ZNF615: variants seen among roughly 807,000 people sequenced by gnomAD.
ZNF615 encodes zinc finger protein 615.
ZNF615 carries 15 observed loss-of-function variants against 15.3 expected under a neutral mutation model. That is an observed-to-expected ratio of 0.98 (90% CI 0.66 to 1.51). The LOEUF (loss-of-function observed/expected upper bound fraction) is 1.51. Ranked by LOEUF, ZNF615 falls within the 40% of genes most tolerant of loss-of-function variation. The probability of loss-of-function intolerance (pLI) is 0.00; values close to 1 mark genes in which losing one functional copy is unlikely to be tolerated. For missense variants in ZNF615, 848 were observed against 895.9 expected (o/e 0.95, Z 0.68); for synonymous variants, 268 against 294.6 (o/e 0.91, Z 0.92).
In ZNF615 at chr19:51,993,534, A is replaced by G; in HGVS notation, c.1575T>C (p.Cys525=). The stretch of plus-strand genomic sequence containing the variant: ...CTGGAAAGCCTTTTCCACACTCACC[A>G]CATACATAGGGTTTTTCTCCAGTAT... ...RTHTGEKPYV[C]GECGKGFPAK... is the part of the protein sequence containing the mutation. The change falls in exon 7 of 7, where the codon TGT becomes TGC. Residue 525 remains cysteine, a synonymous_variant. Coordinates refer to ENST00000598071, the MANE Select transcript of ZNF615 (RefSeq NM_001199324.2). 1 of 1,612,290 alleles carries G rather than the reference A, an allele frequency of 6.2e-7. No individual in the cohort carries two copies. The highest frequency in any genetic ancestry group is 8.5e-7 in the Non-Finnish European group (1 of 1,179,592).
At chr19:52,007,757 A>C (rs16983385) in intron 1 of ZNF615, among the ~76,000 whole-genome samples, 1 of 152,060 alleles carries the variant, frequency 6.6e-6, no homozygotes, top group African/African-American at 2.4e-5. Flanking sequence ...CAAAACCTGA[A>C]CCATAAACCG....
rs762613009 is a variant in ZNF615, at chr19:52,002,445, G to A, written c.16-164C>T. 22 of 987,758 alleles carry A rather than the reference G, an allele frequency of 2.2e-5. No homozygotes were observed. The African/African-American group carries it at 2.7e-4, about 12-fold the overall frequency. The allele number at this position is 987,758 out of a possible 1,614,324, so 61.2% of individuals were successfully genotyped here. ...AATTCCAGTAAAATATTCTGTAACT[G>A]TGCGGTCATCCATTCATTCAACAAT... is the stretch of plus-strand genomic sequence containing the variant. On this transcript the variant is annotated intron_variant, in intron 3 of 6. Transcript: ENST00000598071.
In ZNF615 at chr19:51,993,508, G is replaced by C; in HGVS notation, c.1601C>G (p.Ala534Gly). Residue 534 changes from alanine to glycine, a missense_variant, in exon 7 of 7, where the codon GCA (alanine) becomes GGA (glycine). Physicochemically the swap from Ala to Gly is moderately conservative, Grantham distance 60. Transcript: ENST00000598071. ...TTGATGTCCCATTAGCCGGATCTTTGCTGGAAAGCCTTTTCCACACTCACC... is the reference window on the plus strand; with the variant it reads ...TTGATGTCCCATTAGCCGGATCTTTCCTGGAAAGCCTTTTCCACACTCACC... ...VCGECGKGFP[A>G]KIRLMGHQRT... The C allele has an allele frequency of 1.2e-6, 2 of 1,610,380 alleles. No homozygotes were observed. Among genetic ancestry groups the C allele is most frequent in the African/African-American group, 2.7e-5 (2 of 73,714 alleles).
At position 51,993,162 on chromosome 19, in the gene ZNF615, G is replaced by C. The variant is rs1163840938; in HGVS notation, c.1947C>G (p.Cys649Trp). The C allele has an allele frequency of 1.2e-6, 2 of 1,614,078 alleles. No homozygotes were observed. Among genetic ancestry groups the C allele is most frequent in the African/African-American group, 2.7e-5 (2 of 74,930 alleles). The part of the protein sequence containing the change: ...ECDKTFRKKT[C>W]LIQHQRFHTG... ...TGTGAAATCGCTGATGTTGTATGAG[G>C]CATGTCTTCTTCCTGAAGGTTTTAT... Residue 649 changes from cysteine to tryptophan, a missense_variant, in exon 7 of 7, where the codon TGC becomes TGG. Coordinates refer to ENST00000598071, the MANE Select transcript of ZNF615 (RefSeq NM_001199324.2).
chr19:52,001,506 T>C, intron 5 of ZNF615, among the ~76,000 whole-genome samples: 1 of 150,982 alleles, frequency 6.6e-6, no homozygotes, highest in Admixed American at 6.6e-5. Flanking sequence ...TAGTCCCAGC[T>C]ACTCAGGAGG....
rs865985117 is a variant in ZNF615, at chr19:51,994,562, G to T, written c.547C>A (p.Gln183Lys). 6.2e-7 allele frequency: 1 copy of T among 1,614,036 alleles called. No homozygotes were observed. Among genetic ancestry groups the T allele is most frequent in the East Asian group, 2.2e-5 (1 of 44,866 alleles). ...GGAAACTTCATTTCAGTATAAAATTGTTTATGGTTAGCATGAAAAAGGGAT... is the reference window on the plus strand; with the variant it reads ...GGAAACTTCATTTCAGTATAAAATTTTTTATGGTTAGCATGAAAAAGGGAT... ...GKSLFHANHKQFYTEMKFPAI... is the reference protein window; with the variant it reads ...GKSLFHANHKKFYTEMKFPAI... Residue 183 changes from glutamine to lysine, a missense_variant, in exon 7 of 7, where the codon CAA becomes AAA. Transcript: ENST00000598071.
intron 5 of ZNF615, among the ~76,000 whole-genome samples, chr19:52,001,486 T>C (rs1039421174): frequency 2.6e-5 from 4 of 151,618 alleles, no homozygotes; most frequent in African/African-American, 7.3e-5. Flanking sequence ...GGCGTGGTGG[T>C]ACGCACCTGT....
In ZNF615 at chr19:52,000,348, G is replaced by T; in HGVS notation, c.269C>A (p.Ala90Glu). 1 of 628,156 alleles carries T rather than the reference G, an allele frequency of 1.6e-6. No individual in the cohort carries two copies. Among genetic ancestry groups the T allele is most frequent in the Non-Finnish European group, 2.9e-6 (1 of 343,008 alleles). 38.9% of individuals were successfully genotyped at this position (628,156 alleles called of 1,614,324 possible). The change falls in exon 6 of 7, where the codon GCA becomes GAA. Residue 90 changes from alanine (A) to glutamate (E), a missense_variant and splice_region_variant. Physicochemically the swap from Ala to Glu is moderately radical, Grantham distance 107. Transcript: ENST00000598071. Reference protein sequence around the residue: ...DSGGASGGAYAEIRKIDDPLQ... With the variant: ...DSGGASGGAYEEIRKIDDPLQ... The stretch of plus-strand genomic sequence containing the variant: ...GGCAATATATCCATGAGACAAACCT[G>T]CATATGCACCTCCTGATGCACCTCC...
At chr19:52,004,952 TG>T (rs1231575734) in intron 2 of ZNF615, 1 of 152,054 alleles carries the variant, frequency 6.6e-6, no homozygotes, top group Non-Finnish European at 1.5e-5. Flanking sequence ...ATATATATAG[TG>T]TTAAAATATT....
chr19:52,005,483 C>T (rs915529826), intron 2 of ZNF615, among the ~76,000 whole-genome samples: 2 of 152,192 alleles, frequency 1.3e-5, no homozygotes, highest in African/African-American at 4.8e-5. Flanking sequence ...AGCTACTCAA[C>T]TCTACTGTTG....
At chr19:52,003,550 T>A in intron 3 of ZNF615, 147 bp downstream of exon 3, 2 of 690,304 alleles carry the variant, frequency 2.9e-6, no homozygotes, top group Non-Finnish European at 4.7e-6. Flanking sequence ...ATCCTATGAA[T>A]AATATATCCC....
At chr19:51,995,173 T>C (rs192484049) in intron 6 of ZNF615, among the ~76,000 whole-genome samples, 2 of 152,322 alleles carry the variant, frequency 1.3e-5, no homozygotes, top group African/African-American at 4.8e-5. Flanking sequence ...TTGGGAGAGA[T>C]GTGTAAGATT....
intron 2 of ZNF615, among the ~76,000 whole-genome samples, chr19:52,006,317 A>G (rs964173385): frequency 5.3e-5 from 8 of 152,216 alleles, no homozygotes; most frequent in African/African-American, 1.9e-4. Context: ...AATTTTACAA[A>G]AGACAAAACC....
chr19:52,000,311 T>A, intron 6 of ZNF615, 35 bp downstream of exon 6: 1 of 600,900 alleles, frequency 1.7e-6, no homozygotes. Flanking sequence ...TTCTAGTGAA[T>A]CCTCGGCATC....
chr19:52,002,729 C>T (rs1200510162), intron 3 of ZNF615, among the ~76,000 whole-genome samples: 1 of 151,900 alleles, frequency 6.6e-6, no homozygotes, highest in Admixed American at 6.6e-5. Flanking sequence ...CATAGTTAAC[C>T]ATATTATTAT....
Position 51,993,022 on chromosome 19 carries a change from CAG to C in ZNF615, c.2085_2086del (p.Asp695GlufsTer27), listed in dbSNP as rs2086280996. ...TGATTTTGTAGTGAAGGCTTTCCCG[CAG>C]TCACTGCATTTGTACGGTTTCTCTC... On this transcript the variant is annotated frameshift_variant, in exon 7 of 7. Coordinates refer to ENST00000598071, the MANE Select transcript of ZNF615 (RefSeq NM_001199324.2). LOFTEE classifies it low-confidence loss of function (END_TRUNC). 1.9e-6 allele frequency: 3 copies of C among 1,614,214 alleles called. No individual in the cohort carries two copies. The highest frequency in any genetic ancestry group is 2.5e-6 in the Non-Finnish European group (3 of 1,180,044).
At chr19:52,007,931 TCACA>T in intron 1 of ZNF615, 2 of 530,438 alleles carry the variant, frequency 3.8e-6, no homozygotes, top group Non-Finnish European at 6.7e-6. Flanking sequence ...GGTACCCCGA[TCACA>T]CACACACACA....
chr19:52,003,204 A>G (rs2086654841), intron 3 of ZNF615, among the ~76,000 whole-genome samples: 1 of 152,214 alleles, frequency 6.6e-6, no homozygotes, highest in South Asian at 2.1e-4. Flanking sequence ...AAATTCATAT[A>G]TATGTGTATG....
chr19:51,992,916 C>T lies in ZNF615; in HGVS notation c.2193G>A (p.Leu731=). 6 of 1,614,142 alleles carry T rather than the reference C, an allele frequency of 3.7e-6. No homozygotes were observed. Among genetic ancestry groups the T allele is most frequent in the Non-Finnish European group, 5.1e-6 (6 of 1,180,010 alleles). ...TTCTCCTGTGTTTAACAAGGATAGA[C>T]AAGTGCGCAAAAGCTTTCCCACAAT... The part of the protein sequence containing the change: ...CSDCGKAFAH[L]SILVKHRRIH... Residue 731 remains leucine (L), a synonymous_variant, in exon 7 of 7, where the codon TTG becomes TTA. Coordinates refer to ENST00000598071, the MANE Select transcript of ZNF615 (RefSeq NM_001199324.2).
Sources: allele counts gnomAD v4.1 joint callset (sites outside exome capture counted in the v4.1 genomes callset), GRCh38; gene constraint gnomAD v4.1.1; transcripts MANE v1.5; gene names NCBI Gene and HGNC (gene_info 2026-07-23, HGNC 2026-07-21).